The following NHERF2 variants were observed in gnomAD, a reference collection of about 807,000 sequenced individuals.
The protein encoded by NHERF2 is NHERF family PDZ scaffold protein 2, also known as Na(+)/H(+) exchange regulatory cofactor NHE-RF2.
chr16:2,030,814 G>A, the NHERF2 span, among the ~76,000 whole-genome samples: 1 of 151,972 alleles, frequency 6.6e-6, no homozygotes. Context: ...GGTGGGGCAC[G>A]CCTATAGTCC....
the NHERF2 span, among the ~76,000 whole-genome samples, chr16:2,032,226 G>T: frequency 6.6e-6 from 1 of 151,818 alleles, no homozygotes; most frequent in East Asian, 1.9e-4. The surrounding 1 kb of genome is among the most constrained non-coding windows in gnomAD (Gnocchi z 4.0). Context: ...CACCGTGTTG[G>T]CCAGGCTGGT....
chr16:2,035,994 CCAACGG>C, the NHERF2 span: 2 of 315,624 alleles, frequency 6.3e-6, no homozygotes, highest in Middle Eastern at 1.8e-3. Context: ...CCCCAGGAGG[CCAACGG>C]CGACAGTTCA....
chr16:2,029,077 C>A, the NHERF2 span, among the ~76,000 whole-genome samples: 1 of 152,212 alleles, frequency 6.6e-6, no homozygotes, highest in Non-Finnish European at 1.5e-5. Context: ...TTTAGACTCC[C>A]ACACTGCACG....
chr16:2,038,311 C>T, the NHERF2 span: 88,337 of 530,918 alleles, frequency 0.17, 8,436 homozygotes, highest in Middle Eastern at 0.23. Flanking sequence ...GCTGCTCTGC[C>T]GGGGCCTGCT....
chr16:2,036,420 C>T, the NHERF2 span: 8,416 of 1,607,594 alleles, frequency 5.2e-3, 28 homozygotes, highest in Non-Finnish European at 6.3e-3. Context: ...TGACAAGTCC[C>T]GGCCCGGCCA....
the NHERF2 span, chr16:2,036,211 C>T: frequency 8.9e-7 from 1 of 1,118,814 alleles, no homozygotes; most frequent in Non-Finnish European, 1.3e-6. Flanking sequence ...GAGACCTGGG[C>T]CTGCCCGTGG....
At chr16:2,037,477 T>C in the NHERF2 span, 2 of 1,363,978 alleles carry the variant, frequency 1.5e-6, no homozygotes, top group African/African-American at 2.9e-5. Context: ...TCTGTGCACA[T>C]GTGTGCGTGT....
chr16:2,033,798 T>C, the NHERF2 span, among the ~76,000 whole-genome samples: 1 of 152,038 alleles, frequency 6.6e-6, no homozygotes, highest in Non-Finnish European at 1.5e-5. Context: ...CCGCCCGAGC[T>C]CCTCGGCTCT....
chr16:2,027,392 CGGGGGTGGGG>C, the NHERF2 span, among the ~76,000 whole-genome samples: 1 of 147,826 alleles, frequency 6.8e-6, no homozygotes, highest in Non-Finnish European at 1.5e-5. Context: ...CAGTCCTGCA[CGGGGGTGGGG>C]GGGGGCATCC....
the NHERF2 span, among the ~76,000 whole-genome samples, chr16:2,030,132 T>C: frequency 6.6e-6 from 1 of 152,244 alleles, no homozygotes; most frequent in East Asian, 1.9e-4. Context: ...GGTCTGCGTG[T>C]GCGCAGCTCT....
At chr16:2,027,745 T>C in the NHERF2 span, among the ~76,000 whole-genome samples, 1 of 152,210 alleles carries the variant, frequency 6.6e-6, no homozygotes, top group Admixed American at 6.5e-5. Flanking sequence ...TGCCTGTGTG[T>C]GTGCAGGTCT....
chr16:2,038,131 C>A, the NHERF2 span: 2 of 959,656 alleles, frequency 2.1e-6, no homozygotes, highest in East Asian at 2.6e-5. Context: ...GAGCCCCCAT[C>A]CTGCCCCTGC....
At chr16:2,032,089 G>A in the NHERF2 span, among the ~76,000 whole-genome samples, 2 of 150,052 alleles carry the variant, frequency 1.3e-5, no homozygotes, top group Non-Finnish European at 1.5e-5. This position sits in a 1 kb window ranked among gnomAD's most constrained non-coding sequence, Gnocchi z 4.0. Context: ...GTGCGATCTC[G>A]GCTCACTGCA....
the NHERF2 span, among the ~76,000 whole-genome samples, chr16:2,030,329 A>G: frequency 6.6e-6 from 1 of 152,154 alleles, no homozygotes; most frequent in African/African-American, 2.4e-5. Context: ...TTGGGGGTCC[A>G]GGAGGCTCCA....
At chr16:2,033,453 G>A in the NHERF2 span, 1 of 1,513,928 alleles carries the variant, frequency 6.6e-7, no homozygotes, top group African/African-American at 1.4e-5. Flanking sequence ...GTGGGAGGAA[G>A]GGAGGGCTAG....
At chr16:2,037,053 C>G in the NHERF2 span, 1 of 1,534,242 alleles carries the variant, frequency 6.5e-7, no homozygotes, top group Non-Finnish European at 8.8e-7. Context: ...TACCCAGGCC[C>G]GACAGAGGCC....
chr16:2,033,178 G>A, the NHERF2 span: 10 of 1,432,004 alleles, frequency 7.0e-6, no homozygotes, highest in East Asian at 1.3e-4. Context: ...GCAGGGGAGC[G>A]GGCTCAGTCA....
At chr16:2,037,850 C>T in the NHERF2 span, 2 of 1,596,576 alleles carry the variant, frequency 1.3e-6, no homozygotes, top group South Asian at 1.1e-5. Context: ...GAAGCAAGAT[C>T]CCTTCCAGGA....
the NHERF2 span, chr16:2,033,292 C>T: frequency 3.9e-6 from 6 of 1,532,248 alleles, no homozygotes; most frequent in Non-Finnish European, 5.2e-6. Context: ...CCTGGGTCGG[C>T]CAGAGAGTTC....
Sources: allele counts gnomAD v4.1 joint callset (sites outside exome capture counted in the v4.1 genomes callset), GRCh38; gene constraint gnomAD v4.1.1; non-coding constraint Gnocchi (gnomAD v3.1); transcripts MANE v1.5; gene names NCBI Gene and HGNC (gene_info 2026-07-23, HGNC 2026-07-21).